Variants in DLGAP2 observed in about 807,000 individuals in gnomAD.
DLGAP2 encodes DLG associated protein 2, also known as disks large-associated protein 2.
Under a neutral mutation model 100.3 loss-of-function variants are expected in DLGAP2, and 26 were observed. That is an observed-to-expected ratio of 0.26 (90% CI 0.19 to 0.36). The LOEUF (loss-of-function observed/expected upper bound fraction) is 0.36, where lower values mean the gene tolerates loss of function less well. Among genes scored for constraint, DLGAP2 ranks in the 10% least tolerant of loss-of-function variants. DLGAP2 has a pLI of 1.00. For synonymous variants in DLGAP2, 886 were observed against 630.1 expected (o/e 1.41, Z -6.08); for missense variants, 1,858 against 1,453.2 (o/e 1.28, Z -4.53).
At chr8:960,593 G>C (rs1403836310) in intron 2 of DLGAP2, among the ~76,000 whole-genome samples, 1 of 152,030 alleles carries the variant, frequency 6.6e-6, no homozygotes, top group African/African-American at 2.4e-5. Flanking sequence ...ATCATAAAAG[G>C]CTACTCTCAC....
At chr8:799,451 G>A (rs1407041846) in intron 1 of DLGAP2, among the ~76,000 whole-genome samples, 1 of 152,132 alleles carries the variant, frequency 6.6e-6, no homozygotes, top group African/African-American at 2.4e-5. Context: ...TCTGCTGGGA[G>A]TTGGAAAAAA....
chr8:1,050,071 C>A (rs1214923945), intron 2 of DLGAP2, among the ~76,000 whole-genome samples: 1 of 152,208 alleles, frequency 6.6e-6, no homozygotes, highest in Non-Finnish European at 1.5e-5. Context: ...TACGTGTACA[C>A]ACATGCACAG....
chr8:1,434,936 A>C (rs1797571900), intron 3 of DLGAP2, among the ~76,000 whole-genome samples: 1 of 152,136 alleles, frequency 6.6e-6, no homozygotes, highest in Non-Finnish European at 1.5e-5. Flanking sequence ...CCTGGTCTGC[A>C]TGTCACATGC....
intron 2 of DLGAP2, among the ~76,000 whole-genome samples, chr8:946,851 G>A (rs545285448): frequency 4.6e-5 from 7 of 152,280 alleles, no homozygotes; most frequent in South Asian, 2.1e-4. Flanking sequence ...CAGCTCCCCC[G>A]TCCCTGACGG....
intron 2 of DLGAP2, among the ~76,000 whole-genome samples, chr8:1,240,748 C>CTG (rs1563274081): frequency 1.3e-4 from 16 of 121,242 alleles, no homozygotes; most frequent in South Asian, 3.5e-4. Context: ...GTCTGGTTCT[C>CTG]TCGCATGGCG....
intron 3 of DLGAP2, among the ~76,000 whole-genome samples, chr8:1,298,524 C>A (rs963757497): frequency 1.3e-5 from 2 of 152,234 alleles, no homozygotes; most frequent in East Asian, 3.9e-4. Flanking sequence ...TGCTGAGAGG[C>A]AGCGTACCCT....
intron 2 of DLGAP2, among the ~76,000 whole-genome samples, chr8:1,124,692 G>C (rs997572545): frequency 1.3e-5 from 2 of 152,180 alleles, no homozygotes; most frequent in Non-Finnish European, 2.9e-5. Flanking sequence ...GCAAACATAT[G>C]ATTTTCACTA....
In DLGAP2 at chr8:1,044,225, C is replaced by T. The variant is rs113123130; in HGVS notation, c.73+136259C>T. ...ACTGGTGGTCATAAAACCCAAAATA[C>T]GGCAAGTTGTCACTTAGTGTTATCC... On this transcript the variant is annotated intron_variant, in intron 2 of 14. Transcript: ENST00000637795. 8.2e-3 allele frequency among the ~76,000 whole-genome samples: 1,253 copies of T among 152,250 alleles called. 20 individuals are homozygous for T. Among genetic ancestry groups the T allele is most frequent in the African/African-American group, 0.027 (1,134 of 41,532 alleles).
At chr8:1,671,080 G>A (rs1460961080) in intron 10 of DLGAP2, among the ~76,000 whole-genome samples, 1 of 152,260 alleles carries the variant, frequency 6.6e-6, no homozygotes, top group Non-Finnish European at 1.5e-5. Flanking sequence ...CTATGGATGG[G>A]AAAACTGAGG....
At chr8:1,389,451 G>A (rs1478233988) in intron 3 of DLGAP2, among the ~76,000 whole-genome samples, 1 of 152,122 alleles carries the variant, frequency 6.6e-6, no homozygotes, top group African/African-American at 2.4e-5. Context: ...GCCCTGCTGA[G>A]GGTACTCAGA....
chr8:1,602,048 G>T (rs936039010), intron 6 of DLGAP2, among the ~76,000 whole-genome samples: 2 of 151,610 alleles, frequency 1.3e-5, no homozygotes, highest in Admixed American at 6.6e-5. Context: ...CCTGCTGCCT[G>T]CTGCATCCCA....
intron 3 of DLGAP2, among the ~76,000 whole-genome samples, chr8:1,443,125 A>G (rs571520147): frequency 3.3e-4 from 50 of 152,370 alleles, no homozygotes; most frequent in African/African-American, 1.2e-3. Flanking sequence ...AAAAAACATG[A>G]AAAGTTTTAT....
intron 3 of DLGAP2, among the ~76,000 whole-genome samples, chr8:1,326,142 C>G (rs965128839): frequency 5.3e-5 from 8 of 152,124 alleles, no homozygotes; most frequent in African/African-American, 1.9e-4. Flanking sequence ...TTGTTTGCTC[C>G]TTAATGCTAT....
intron 4 of DLGAP2, among the ~76,000 whole-genome samples, chr8:1,520,705 A>G (rs1411856917): frequency 6.6e-6 from 1 of 151,980 alleles, no homozygotes; most frequent in Non-Finnish European, 1.5e-5. Context: ...ATGGCTTGGG[A>G]GCTCATTTCA....
intron 2 of DLGAP2, among the ~76,000 whole-genome samples, chr8:1,116,756 G>A (rs1006381144): frequency 1.3e-5 from 2 of 152,034 alleles, no homozygotes; most frequent in Non-Finnish European, 2.9e-5. Context: ...AGCTGTGATT[G>A]TGCCACTGCA....
At position 1,543,719 on chromosome 8, in the gene DLGAP2, T is replaced by C. The variant is rs547735181; in HGVS notation, c.173-4907T>C. ...CTTTTGCACTTCTGCAAAAAAGCCA[T>C]GTGAGGTTTTGACAGGAATTTCAGG... is the stretch of plus-strand genomic sequence containing the variant. On this transcript the variant is annotated intron_variant, in intron 4 of 14. Transcript: ENST00000637795. Among the ~76,000 whole-genome samples the C allele has an allele frequency of 6.6e-5, 10 of 152,314 alleles. No individual in the cohort carries two copies. In the East Asian group the frequency reaches 9.7e-4, roughly 15 times the overall value.
intron 1 of DLGAP2, among the ~76,000 whole-genome samples, chr8:768,797 G>T (rs7463318): frequency 1 from 152,036 of 152,248 alleles, 75,912 homozygotes; most frequent in Non-Finnish European, 1. Context: ...CGCTTCCATC[G>T]GAAAACCTAA....
At chr8:1,544,681 T>C (rs1201239498) in intron 4 of DLGAP2, among the ~76,000 whole-genome samples, 1 of 152,156 alleles carries the variant, frequency 6.6e-6, no homozygotes, top group African/African-American at 2.4e-5. Flanking sequence ...ACATAGTCAC[T>C]GTATATAATT....
Position 1,631,326 on chromosome 8 carries a change from C to T in DLGAP2, c.1591-1501C>T, listed in dbSNP as rs147179318. On this transcript the variant is annotated intron_variant, in intron 7 of 14. Coordinates refer to ENST00000637795, the MANE Select transcript of DLGAP2 (RefSeq NM_001346810.2). Reference sequence around the variant, plus strand: ...CTGGGTCGGGCTTACAGAAGGGTGTCCACTGAGGTGTACTAGGGCCTCACA... The same window carrying T: ...CTGGGTCGGGCTTACAGAAGGGTGTTCACTGAGGTGTACTAGGGCCTCACA... 3.1e-3 allele frequency among the ~76,000 whole-genome samples: 473 copies of T among 152,176 alleles called. 3 individuals are homozygous for T. The highest frequency in any genetic ancestry group is 0.01 in the African/African-American group (433 of 41,526).
Sources: gnomAD v4.1 joint callset for allele counts (sites outside exome capture counted in the v4.1 genomes callset) on GRCh38, gnomAD v4.1.1 for gene constraint, MANE v1.5 for transcripts, NCBI Gene and HGNC (gene_info 2026-07-23, HGNC 2026-07-21) for gene names.